Variants in BTBD9 observed in about 807,000 individuals in gnomAD.
BTBD9 encodes the protein BTB/POZ domain-containing protein 9.
In BTBD9, 49 loss-of-function variants were observed where a neutral mutation model predicts 64.3. The ratio of observed to expected loss-of-function variants is 0.76; its 90% CI spans 0.61 to 0.97. The LOEUF is 0.97. BTBD9 is among the 50% of genes least tolerant of loss of function. BTBD9 has a pLI of 0.00. For missense variants in BTBD9, 598 were observed against 762.1 expected (o/e 0.78, Z 2.53); for synonymous variants, 260 against 274.7 (o/e 0.95, Z 0.53).
intron 6 of BTBD9, among the ~76,000 whole-genome samples, chr6:38,431,415 T>C (rs1289421722): frequency 3.3e-5 from 5 of 152,244 alleles, no homozygotes; most frequent in African/African-American, 1.2e-4. Context: ...GCATACATAC[T>C]ATTACCAACC....
intron 6 of BTBD9, among the ~76,000 whole-genome samples, chr6:38,494,833 T>A (rs1237517700): frequency 6.6e-6 from 1 of 152,216 alleles, no homozygotes; most frequent in African/African-American, 2.4e-5. Flanking sequence ...GAAAAGACAT[T>A]GATTTCTCAC....
At chr6:38,634,037 A>G (rs1778446970) in intron 1 of BTBD9, among the ~76,000 whole-genome samples, 1 of 152,230 alleles carries the variant, frequency 6.6e-6, no homozygotes, top group South Asian at 2.1e-4. Flanking sequence ...CTCTATGCCC[A>G]GCACTTCACA....
intron 4 of BTBD9, among the ~76,000 whole-genome samples, chr6:38,581,339 TGTTA>T (rs1349713018): frequency 6.6e-6 from 1 of 152,232 alleles, no homozygotes; most frequent in Non-Finnish European, 1.5e-5. Flanking sequence ...ATAGCATAGC[TGTTA>T]GTTATATATG....
At chr6:38,613,242 C>T (rs1302633655) in intron 1 of BTBD9, among the ~76,000 whole-genome samples, 2 of 152,296 alleles carry the variant, frequency 1.3e-5, no homozygotes, top group East Asian at 3.9e-4. Flanking sequence ...GCGTTTGTAA[C>T]TCACATTATA....
chr6:38,550,573 C>T (rs184722781), intron 6 of BTBD9, among the ~76,000 whole-genome samples: 1 of 152,298 alleles, frequency 6.6e-6, no homozygotes, highest in Non-Finnish European at 1.5e-5. Flanking sequence ...ACCTCAGCCT[C>T]CCAAAGTGCT....
intron 6 of BTBD9, among the ~76,000 whole-genome samples, chr6:38,423,915 GCTTTT>G (rs1218018163): frequency 6.6e-6 from 1 of 151,982 alleles, no homozygotes; most frequent in Non-Finnish European, 1.5e-5. Flanking sequence ...GCCATGTTCA[GCTTTT>G]TCACTTCCTG....
At chr6:38,201,807 TAAGA>T (rs1412731208) in intron 9 of BTBD9, among the ~76,000 whole-genome samples, 1 of 152,080 alleles carries the variant, frequency 6.6e-6, no homozygotes, top group Non-Finnish European at 1.5e-5. Context: ...ATGAACTAGC[TAAGA>T]AAGAAGTCAA....
intron 7 of BTBD9, among the ~76,000 whole-genome samples, chr6:38,302,485 G>GTATATATATATA (rs59324806): frequency 0.012 from 1,329 of 106,500 alleles, 57 homozygotes; most frequent in Non-Finnish European, 0.017. Context: ...TTGTGTGTAT[G>GTATATATATATA]TATATATATA....
At chr6:38,469,316 T>TC (rs1234323496) in intron 6 of BTBD9, among the ~76,000 whole-genome samples, 2 of 142,034 alleles carry the variant, frequency 1.4e-5, no homozygotes, top group Non-Finnish European at 3.0e-5. Flanking sequence ...TCTCTTTTTT[T>TC]TTTTCCTTTT....
At chr6:38,281,694 GA>G (rs1761518812) in intron 8 of BTBD9, among the ~76,000 whole-genome samples, 1 of 152,102 alleles carries the variant, frequency 6.6e-6, no homozygotes, top group South Asian at 2.1e-4. Flanking sequence ...TTTTCCAACT[GA>G]AGAACTCAAA....
At chr6:38,366,144 T>C (rs1765176128) in intron 6 of BTBD9, among the ~76,000 whole-genome samples, 2 of 152,224 alleles carry the variant, frequency 1.3e-5, no homozygotes, top group Admixed American at 6.5e-5. Flanking sequence ...TTCATAAGTA[T>C]ATAGGTTTGA....
intron 6 of BTBD9, among the ~76,000 whole-genome samples, chr6:38,557,490 G>A (rs1375909471): frequency 6.6e-6 from 1 of 152,210 alleles, no homozygotes; most frequent in African/African-American, 2.4e-5. Flanking sequence ...AAATACAATA[G>A]TTGGACAATA....
chr6:38,624,292 G>C (rs959759546), intron 1 of BTBD9, among the ~76,000 whole-genome samples: 1 of 152,216 alleles, frequency 6.6e-6, no homozygotes, highest in Non-Finnish European at 1.5e-5. Context: ...CCAGCCAGCA[G>C]CTGCAACCTG....
chr6:38,299,667 G>A (rs574221884), intron 7 of BTBD9, among the ~76,000 whole-genome samples: 4,268 of 152,246 alleles, frequency 0.028, 195 homozygotes, highest in African/African-American at 0.097. Context: ...TTTGAGAAGT[G>A]TCTGTTCATA....
intron 7 of BTBD9, among the ~76,000 whole-genome samples, chr6:38,321,940 G>A (rs1763251010): frequency 6.6e-6 from 1 of 151,002 alleles, no homozygotes. Flanking sequence ...CTTCCCACTG[G>A]GTGCAAACTT....
chr6:38,302,513 A>G (rs1582194575), intron 7 of BTBD9, among the ~76,000 whole-genome samples: 1 of 95,796 alleles, frequency 1.0e-5, no homozygotes, highest in African/African-American at 3.3e-5. Context: ...ATATATATAT[A>G]TATATATATA....
At chr6:38,413,654 G>A (rs1030222539) in intron 6 of BTBD9, among the ~76,000 whole-genome samples, 4 of 150,012 alleles carry the variant, frequency 2.7e-5, no homozygotes, top group African/African-American at 1.0e-4. Flanking sequence ...GTACATCTCT[G>A]TTTTACATGT....
chr6:38,624,261 A>G (rs1778097061), intron 1 of BTBD9, among the ~76,000 whole-genome samples: 1 of 152,188 alleles, frequency 6.6e-6, no homozygotes, highest in South Asian at 2.1e-4. Flanking sequence ...AGGGACAATA[A>G]GCGAATAAAA....
chr6:38,455,783 A>T (rs931211390), intron 6 of BTBD9, among the ~76,000 whole-genome samples: 1 of 152,134 alleles, frequency 6.6e-6, no homozygotes, highest in African/African-American at 2.4e-5. Flanking sequence ...ATCTCGGCTC[A>T]CCGCAACCTC....
Sources: gnomAD v4.1 joint callset for allele counts (sites outside exome capture counted in the v4.1 genomes callset) on GRCh38, gnomAD v4.1.1 for gene constraint, MANE v1.5 for transcripts, NCBI Gene and HGNC (gene_info 2026-07-23, HGNC 2026-07-21) for gene names.